Variants in SPATA13 observed in about 807,000 individuals in gnomAD.
SPATA13 encodes the protein spermatogenesis-associated protein 13.
SPATA13 carries 50 observed loss-of-function variants against 104.0 expected under a neutral mutation model. The ratio of observed to expected loss-of-function variants is 0.48; its 90% CI spans 0.38 to 0.61. SPATA13 has a LOEUF of 0.61. Ranked by LOEUF, SPATA13 falls within the 20% of genes least tolerant of loss-of-function variation. The probability of loss-of-function intolerance (pLI) is 0.00; values close to 1 mark genes in which losing one functional copy is unlikely to be tolerated. For synonymous variants in SPATA13, 606 were observed against 667.5 expected, an observed-to-expected ratio of 0.91 and a Z score of 1.42; for missense variants, 1,524 against 1,690.6, an observed-to-expected ratio of 0.90 and a Z score of 1.73.
chr13:24,142,988 G>C (rs564855827), intron 3 of SPATA13, among the ~76,000 whole-genome samples: 7 of 152,176 alleles, frequency 4.6e-5, no homozygotes, highest in Non-Finnish European at 1.0e-4. Context: ...TGCTTCGGAG[G>C]TTGGGTTCAC....
intron 12 of SPATA13, 108 bp from the exon 13 acceptor site, chr13:24,302,487 AAAG>A: frequency 8.6e-5 from 39 of 455,552 alleles, no homozygotes; most frequent in South Asian, 2.3e-4. Flanking sequence ...AAAAAAAAAA[AAAG>A]AATTAGCTGA....
At chr13:24,140,813 T>C (rs1226201481) in intron 3 of SPATA13, among the ~76,000 whole-genome samples, 1 of 152,262 alleles carries the variant, frequency 6.6e-6, no homozygotes, top group Non-Finnish European at 1.5e-5. Flanking sequence ...GATGAATGTC[T>C]GCCTTGTTTT....
intron 3 of SPATA13, among the ~76,000 whole-genome samples, chr13:24,028,364 T>G (rs573570854): frequency 2.6e-5 from 4 of 152,356 alleles, no homozygotes; most frequent in Admixed American, 6.5e-5. Context: ...GGTGTCTATA[T>G]TTTGCCATCA....
intron 1 of SPATA13, among the ~76,000 whole-genome samples, chr13:24,191,524 T>C (rs1420610477): frequency 1.5e-5 from 2 of 134,300 alleles, no homozygotes; most frequent in African/African-American, 6.4e-5. Context: ...TTTTTTTTTT[T>C]TTTGAGATGG....
chr13:24,021,199 G>C (rs1204356191), intron 3 of SPATA13, among the ~76,000 whole-genome samples: 3 of 152,244 alleles, frequency 2.0e-5, no homozygotes, highest in Non-Finnish European at 4.4e-5. Context: ...CTCTAAGAAG[G>C]GCTGGAGCAT....
In SPATA13 at chr13:24,106,273, T is replaced by C. The variant is rs117526964; in HGVS notation, c.-112+88572T>C. 4.1e-3 allele frequency among the ~76,000 whole-genome samples: 632 copies of C among 152,312 alleles called. 9 individuals carry two copies. The highest frequency in any genetic ancestry group is 0.039 in the East Asian group (204 of 5,178). ...GGCCTCATACTCCTGGCCTCAGTGA[T>C]CTTTCTGCCTTGGCCTCCCAAAACA... On this transcript the variant is annotated intron_variant, in intron 3 of 14. Transcript: ENST00000424834.
chr13:24,113,702 T>A (rs1880724571), intron 3 of SPATA13, among the ~76,000 whole-genome samples: 1 of 151,064 alleles, frequency 6.6e-6, no homozygotes, highest in African/African-American at 2.4e-5. Context: ...AAACCCCATC[T>A]CTACTAAAAA....
At chr13:24,198,033 T>C (rs1870168079) in intron 1 of SPATA13, among the ~76,000 whole-genome samples, 1 of 152,200 alleles carries the variant, frequency 6.6e-6, no homozygotes, top group Non-Finnish European at 1.5e-5. Flanking sequence ...TCTAGTTCTG[T>C]CGCCCAGGCT....
chr13:24,190,305 A>T (rs1455121633), intron 1 of SPATA13, among the ~76,000 whole-genome samples: 24 of 1,364 alleles, frequency 0.018, no homozygotes, highest in African/African-American at 0.02. Context: ...ATATATTATT[A>T]TATATAATAT....
rs78492277 is a variant in SPATA13, at chr13:24,087,466, G to A, written c.-112+69765G>A. Reference sequence around the variant, plus strand: ...AGATTGTGACCCTTAGCTATGGACAGCATCCAGAGACTTAAAAATAGCTGA... The same window carrying A: ...AGATTGTGACCCTTAGCTATGGACAACATCCAGAGACTTAAAAATAGCTGA... On this transcript the variant is annotated intron_variant, in intron 3 of 14. Coordinates refer to the SPATA13 transcript ENST00000424834. 3.6e-3 allele frequency among the ~76,000 whole-genome samples: 553 copies of A among 152,328 alleles called. 2 individuals carry two copies. The highest frequency in any genetic ancestry group is 0.013 in the African/African-American group (527 of 41,572).
intron 1 of SPATA13, among the ~76,000 whole-genome samples, chr13:24,173,331 A>G (rs928810421): frequency 6.7e-6 from 1 of 150,036 alleles, no homozygotes; most frequent in Non-Finnish European, 1.5e-5. Flanking sequence ...TGTATCCTGC[A>G]ACCTTGTGGA....
chr13:24,104,655 C>T (rs1339286158), intron 3 of SPATA13, among the ~76,000 whole-genome samples: 1 of 152,192 alleles, frequency 6.6e-6, no homozygotes, highest in African/African-American at 2.4e-5. Flanking sequence ...GGGAAGTTCC[C>T]ATCTTTGATG....
At chr13:24,133,419 C>G (rs1325760196) in intron 3 of SPATA13, among the ~76,000 whole-genome samples, 1 of 152,126 alleles carries the variant, frequency 6.6e-6, no homozygotes, top group East Asian at 1.9e-4. Context: ...ATTTCAGTGC[C>G]TTTGCCCATA....
chr13:24,086,784 G>GA (rs1879738472), intron 3 of SPATA13, among the ~76,000 whole-genome samples: 1 of 152,152 alleles, frequency 6.6e-6, no homozygotes, highest in Non-Finnish European at 1.5e-5. Context: ...TTCCAGGAGG[G>GA]AGAGGGGTGG....
intron 1 of SPATA13, among the ~76,000 whole-genome samples, chr13:24,188,890 C>G (rs949139306): frequency 6.6e-6 from 1 of 152,148 alleles, no homozygotes; most frequent in Non-Finnish European, 1.5e-5. Flanking sequence ...TTCTGAAAAT[C>G]CTAGGCCTGT....
At chr13:24,227,120 G>A in intron 2 of SPATA13, among the ~76,000 whole-genome samples, 1 of 152,086 alleles carries the variant, frequency 6.6e-6, no homozygotes, top group East Asian at 1.9e-4. Context: ...CTAATTCCTG[G>A]GTGAGATGAA....
chr13:24,055,145 G>T (rs1878495218), intron 3 of SPATA13, among the ~76,000 whole-genome samples: 1 of 152,194 alleles, frequency 6.6e-6, no homozygotes, highest in Non-Finnish European at 1.5e-5. Flanking sequence ...CGATCAGCCT[G>T]CAATTCATGT....
chr13:24,214,241 A>G (rs1199557563), intron 1 of SPATA13, among the ~76,000 whole-genome samples: 2 of 152,236 alleles, frequency 1.3e-5, no homozygotes, highest in Admixed American at 6.5e-5. Context: ...GCACCTCCAT[A>G]GACACTTTTA....
intron 3 of SPATA13, among the ~76,000 whole-genome samples, chr13:24,066,880 C>T (rs546612834): frequency 1.3e-5 from 2 of 152,310 alleles, no homozygotes; most frequent in South Asian, 4.1e-4. Flanking sequence ...GACTGGTAGA[C>T]AGCCATAGAA....
Sources: allele counts gnomAD v4.1 joint callset (sites outside exome capture counted in the v4.1 genomes callset), GRCh38; gene constraint gnomAD v4.1.1; transcripts MANE v1.5; gene names NCBI Gene and HGNC (gene_info 2026-07-23, HGNC 2026-07-21).